The following CCDC152 variants were observed in gnomAD, a reference collection of about 807,000 sequenced individuals.
The protein encoded by CCDC152 is coiled-coil domain-containing protein 152.
Under a neutral mutation model 38.1 loss-of-function variants are expected in CCDC152, and 37 were observed. The observed-to-expected ratio is 0.97, with a 90% CI of 0.75 to 1.28. The LOEUF (loss-of-function observed/expected upper bound fraction) is 1.28. CCDC152 is among the 50% of genes most tolerant of loss of function. The pLI, the probability that CCDC152 is intolerant of heterozygous loss-of-function variation, is 0.00. For missense variants in CCDC152, 259 were observed against 292.1 expected (o/e 0.89, Z 0.83); for synonymous variants, 83 against 87.1 (o/e 0.95, Z 0.26).
At chr5:42,793,077 T>C (rs1760026824) in intron 6 of CCDC152, among the ~76,000 whole-genome samples, 6 of 152,200 alleles carry the variant, frequency 3.9e-5, no homozygotes. Flanking sequence ...AAACAAATCA[T>C]GGTACATCCA....
At chr5:42,785,808 C>T (rs1247879273) in intron 6 of CCDC152, among the ~76,000 whole-genome samples, 1 of 151,880 alleles carries the variant, frequency 6.6e-6, no homozygotes, top group Non-Finnish European at 1.5e-5. Flanking sequence ...TCCTTCAATG[C>T]CTATTTTTTA....
intron 6 of CCDC152, among the ~76,000 whole-genome samples, chr5:42,788,069 A>C (rs1012201598): frequency 4.6e-5 from 7 of 152,212 alleles, no homozygotes; most frequent in Non-Finnish European, 1.0e-4. Context: ...TATGATAGCA[A>C]GTATTGTCCT....
intron 3 of CCDC152, among the ~76,000 whole-genome samples, chr5:42,769,120 G>A (rs1258490498): frequency 7.9e-5 from 12 of 152,006 alleles, no homozygotes; most frequent in South Asian, 6.2e-4. Flanking sequence ...ATGGTGACGC[G>A]TGCCTGTGAT....
At chr5:42,763,382 A>G (rs1335964728) in intron 3 of CCDC152, among the ~76,000 whole-genome samples, 3 of 152,188 alleles carry the variant, frequency 2.0e-5, no homozygotes, top group Admixed American at 6.5e-5. Context: ...ATTACAAATG[A>G]CTTTCGTAGA....
intron 4 of CCDC152, among the ~76,000 whole-genome samples, chr5:42,770,841 C>G (rs1759687914): frequency 6.6e-6 from 1 of 152,046 alleles, no homozygotes; most frequent in Admixed American, 6.6e-5. Flanking sequence ...CTTTGGTGTA[C>G]AAGATTCTCA....
intron 6 of CCDC152, among the ~76,000 whole-genome samples, chr5:42,794,270 C>T (rs1022027014): frequency 6.6e-6 from 1 of 152,000 alleles, no homozygotes; most frequent in Non-Finnish European, 1.5e-5. Flanking sequence ...TGAGAACAAA[C>T]TGGAATTTGC....
intron 4 of CCDC152, among the ~76,000 whole-genome samples, chr5:42,770,185 C>A (rs188784270): frequency 6.6e-6 from 1 of 152,314 alleles, no homozygotes; most frequent in East Asian, 1.9e-4. Context: ...TGTTCTGACT[C>A]AGCTGTGATG....
At chr5:42,781,182 A>C (rs771401256) in intron 5 of CCDC152, among the ~76,000 whole-genome samples, 13 of 152,208 alleles carry the variant, frequency 8.5e-5, no homozygotes, top group Non-Finnish European at 1.5e-4. Context: ...CAGAGCAGCA[A>C]CAGCTTAGTG....
intron 6 of CCDC152, among the ~76,000 whole-genome samples, chr5:42,795,491 T>C (rs1466634552): frequency 6.6e-6 from 1 of 152,180 alleles, no homozygotes; most frequent in Non-Finnish European, 1.5e-5. Context: ...AAATTAGTAA[T>C]GATATAGAAA....
At chr5:42,797,952 A>G (rs1180101382) in intron 7 of CCDC152, among the ~76,000 whole-genome samples, 1 of 152,110 alleles carries the variant, frequency 6.6e-6, no homozygotes, top group African/African-American at 2.4e-5. Flanking sequence ...GTTCGAGACC[A>G]ACCAGGCCAA....
intron 7 of CCDC152, among the ~76,000 whole-genome samples, chr5:42,798,213 A>G (rs4866798): frequency 0.26 from 39,481 of 152,152 alleles, 5,714 homozygotes; most frequent in Admixed American, 0.38. Context: ...ATGTACTTTG[A>G]CAAAATATTT....
Position 42,800,950 on chromosome 5 carries a change from G to A in CCDC152, c.*1169G>A. On this transcript the variant is annotated 3_prime_UTR_variant, in exon 9 of 9. Transcript: ENST00000361970. ...GACCCTGTTTTTTCAAATATCAGATGTCGACAATGGCAGCATCAGCTCCTA... is the reference window on the plus strand; with the variant it reads ...GACCCTGTTTTTTCAAATATCAGATATCGACAATGGCAGCATCAGCTCCTA... 3 of 1,614,220 alleles carry A rather than the reference G, an allele frequency of 1.9e-6. No individual in the cohort carries two copies. Among genetic ancestry groups the A allele is most frequent in the South Asian group, 2.2e-5 (2 of 91,090 alleles).
At chr5:42,757,365 C>T (rs903808530) in intron 1 of CCDC152, among the ~76,000 whole-genome samples, 9 of 151,996 alleles carry the variant, frequency 5.9e-5, no homozygotes, top group African/African-American at 2.2e-4. Flanking sequence ...GGGGAGAGGA[C>T]GAGCCCCGGG....
intron 3 of CCDC152, among the ~76,000 whole-genome samples, chr5:42,767,693 A>G (rs1276036204): frequency 6.6e-6 from 1 of 152,226 alleles, no homozygotes; most frequent in Admixed American, 6.5e-5. Flanking sequence ...GTGGTGAGAG[A>G]GCCACCTTGT....
At chr5:42,764,483 A>G (rs995601726) in intron 3 of CCDC152, among the ~76,000 whole-genome samples, 1 of 152,146 alleles carries the variant, frequency 6.6e-6, no homozygotes, top group Non-Finnish European at 1.5e-5. Context: ...AAAAAAAATA[A>G]CTACAGGCTA....
At chr5:42,773,413 A>G (rs975302456) in intron 4 of CCDC152, among the ~76,000 whole-genome samples, 2 of 152,178 alleles carry the variant, frequency 1.3e-5, no homozygotes, top group South Asian at 2.1e-4. Flanking sequence ...TCCTTTTTCT[A>G]TCTATAAGTT....
intron 3 of CCDC152, 78 bp downstream of exon 3, chr5:42,762,626 T>C (rs933876264): frequency 5.2e-6 from 4 of 771,908 alleles, no homozygotes; most frequent in Non-Finnish European, 6.6e-6. Context: ...TATTACACCA[T>C]ATATTTGTAA....
chr5:42,758,939 A>G (rs939649778), intron 1 of CCDC152, among the ~76,000 whole-genome samples, 181 bp from the exon 2 acceptor site: 1 of 152,232 alleles, frequency 6.6e-6, no homozygotes, highest in African/African-American at 2.4e-5. Context: ...GGAGTGGAAA[A>G]GACAATGCAT....
intron 6 of CCDC152, 127 bp from the exon 7 acceptor site, chr5:42,796,702 T>C (rs1760080327): frequency 1.5e-6 from 1 of 651,634 alleles, no homozygotes; most frequent in African/African-American, 1.9e-5. Context: ...ACCTACACCA[T>C]TTCTAAAATA....
Sources: allele counts gnomAD v4.1 joint callset (sites outside exome capture counted in the v4.1 genomes callset), GRCh38; gene constraint gnomAD v4.1.1; transcripts MANE v1.5; gene names NCBI Gene and HGNC (gene_info 2026-07-23, HGNC 2026-07-21).